Variants in RNF122 observed in about 807,000 individuals in gnomAD.
The protein encoded by RNF122 is ring finger protein 122.
Under a neutral mutation model 24.2 loss-of-function variants are expected in RNF122, and 17 were observed. That is an observed-to-expected ratio of 0.70 (90% confidence interval 0.48 to 1.06). The LOEUF (loss-of-function observed/expected upper bound fraction) is 1.06. Ranked by LOEUF, RNF122 falls within the 50% of genes least tolerant of loss-of-function variation. The pLI is 0.00. For missense variants in RNF122, 168 were observed against 198.1 expected (o/e 0.85, Z 0.91); for synonymous variants, 65 against 71.8 (o/e 0.91, Z 0.48).
chr8:33,566,602 C>T (rs913045715), intron 1 of RNF122, 97 bp downstream of exon 1: 4 of 1,290,568 alleles, frequency 3.1e-6, no homozygotes, highest in Non-Finnish European at 4.4e-6. Flanking sequence ...AAACTTGGTT[C>T]CCGAGGGAGG....
Position 33,558,663 on chromosome 8 carries a change from C to G in RNF122, c.134G>C (p.Gly45Ala), listed in dbSNP as rs774256289. The G allele has an allele frequency of 3.5e-5, 57 of 1,611,728 alleles. No homozygotes were observed. Among genetic ancestry groups the G allele is most frequent in the Non-Finnish European group, 4.8e-5 (56 of 1,178,510 alleles). The change falls in exon 2 of 6, where the codon GGC becomes GCC. Residue 45 changes from glycine to alanine, a missense_variant. Coordinates refer to ENST00000256257, the MANE Select transcript of RNF122 (RefSeq NM_024787.3). ...AAGGCTGAGCATGAAGACAAAGATG[C>G]CTGTGCCGAAGATGACCATATAGAT... ...LNIYMVIFGT[G>A]IFVFMLSLIF...
intron 4 of RNF122, 114 bp downstream of exon 4, chr8:33,550,930 T>C (rs1326392525): frequency 4.2e-6 from 4 of 941,420 alleles, no homozygotes; most frequent in Non-Finnish European, 6.9e-6. Flanking sequence ...CCAAAGGAGA[T>C]ATGAAGGCAT....
chr8:33,553,008 T>C (rs1028094657), intron 2 of RNF122, among the ~76,000 whole-genome samples: 4 of 150,800 alleles, frequency 2.7e-5, no homozygotes, highest in Non-Finnish European at 5.9e-5. Flanking sequence ...GAGACGAAGG[T>C]TGCAGTTAGC....
chr8:33,562,566 A>G (rs1252618554), intron 1 of RNF122, among the ~76,000 whole-genome samples: 1 of 151,850 alleles, frequency 6.6e-6, no homozygotes, highest in Admixed American at 6.6e-5. Flanking sequence ...AGAAAAAAAA[A>G]AGATTAGATG....
intron 3 of RNF122, 74 bp downstream of exon 3, chr8:33,551,270 G>T: frequency 6.3e-7 from 1 of 1,575,176 alleles, no homozygotes; most frequent in South Asian, 1.1e-5. Context: ...AGGAGAACCT[G>T]AGCCTGCCCT....
chr8:33,566,978 G>C lies in RNF122; in HGVS notation c.-255C>G, dbSNP rs1320732729. The C allele has an allele frequency of 2.2e-5, 11 of 511,558 alleles. No homozygotes were observed. The East Asian group carries it at 3.3e-4, about 15-fold the overall frequency. The allele number at this position is 511,558 out of a possible 1,614,324, so 31.7% of individuals were successfully genotyped here. On this transcript the variant is annotated 5_prime_UTR_variant, in exon 1 of 6. Transcript: ENST00000256257. ...AGCCGCACGGAGCGCACGCGCCAAG[G>C]GCCCCGGGCTGGGGGAATGTGGGGC...
chr8:33,566,598 G>T, intron 1 of RNF122, 101 bp downstream of exon 1: 1 of 1,229,334 alleles, frequency 8.1e-7, no homozygotes, highest in Non-Finnish European at 1.2e-6. Flanking sequence ...GGAGAAACTT[G>T]GTTCCCGAGG....
intron 2 of RNF122, among the ~76,000 whole-genome samples, chr8:33,558,246 C>A (rs1302805281): frequency 6.6e-6 from 1 of 152,102 alleles, no homozygotes; most frequent in East Asian, 1.9e-4. Flanking sequence ...ATAACTGATG[C>A]CCACCTGTTC....
At chr8:33,549,579 A>C in intron 4 of RNF122, 87 bp from the exon 5 acceptor site, 1 of 978,888 alleles carries the variant, frequency 1.0e-6, no homozygotes, top group South Asian at 1.3e-5. Flanking sequence ...GCTCTAGCCT[A>C]GTCTGTTCTA....
At chr8:33,555,218 T>C (rs987811389) in intron 2 of RNF122, among the ~76,000 whole-genome samples, 11 of 152,072 alleles carry the variant, frequency 7.2e-5, no homozygotes, top group African/African-American at 2.7e-4. Context: ...TTGTTTGTTT[T>C]TGAGAGGGAG....
intron 2 of RNF122, among the ~76,000 whole-genome samples, chr8:33,556,124 G>T (rs1257309839): frequency 6.8e-6 from 1 of 146,130 alleles, no homozygotes; most frequent in Non-Finnish European, 1.5e-5. Flanking sequence ...AGGTTGCAGT[G>T]GGCCGAGATC....
chr8:33,566,663 C>T (rs752843615), intron 1 of RNF122, 36 bp downstream of exon 1: 14 of 1,588,010 alleles, frequency 8.8e-6, no homozygotes, highest in Non-Finnish European at 8.6e-6. Flanking sequence ...CTCCCACCAG[C>T]CCCACGTAGG....
At chr8:33,555,086 G>T (rs11986873) in intron 2 of RNF122, among the ~76,000 whole-genome samples, 2,558 of 152,324 alleles carry the variant, frequency 0.017, 58 homozygotes, top group African/African-American at 0.054. Context: ...ACAGACCAGG[G>T]CAGGGTGACG....
At position 33,566,772 on chromosome 8, in the gene RNF122, G is replaced by C; in HGVS notation, c.-49C>G. The C allele has an allele frequency of 6.3e-7, 1 of 1,584,460 alleles. No individual in the cohort carries two copies. The highest frequency in any genetic ancestry group is 2.3e-5 in the East Asian group (1 of 43,696). ...TCGGGCGAACGGACGCAGGCGGGGT[G>C]CCAGGAGGGCGGGGTGGGAGCACTA... On this transcript the variant is annotated 5_prime_UTR_variant, in exon 1 of 6. Coordinates refer to ENST00000256257, the MANE Select transcript of RNF122 (RefSeq NM_024787.3).
intron 2 of RNF122, among the ~76,000 whole-genome samples, chr8:33,552,806 C>T (rs1188969997): frequency 6.6e-6 from 1 of 152,056 alleles, no homozygotes; most frequent in Non-Finnish European, 1.5e-5. Context: ...TGCCTGTAAT[C>T]CCAGCATTTT....
At chr8:33,552,553 TC>T (rs1387313957) in intron 2 of RNF122, among the ~76,000 whole-genome samples, 2 of 152,202 alleles carry the variant, frequency 1.3e-5, no homozygotes, top group Non-Finnish European at 2.9e-5. Context: ...TATAATGTGG[TC>T]TGTTCCCCTA....
intron 1 of RNF122, among the ~76,000 whole-genome samples, chr8:33,560,767 T>C (rs1810529469): frequency 6.6e-6 from 1 of 151,848 alleles, no homozygotes; most frequent in African/African-American, 2.4e-5. Flanking sequence ...TGAAACTCCA[T>C]CTCTATTAAA....
In RNF122 at chr8:33,553,691, G is replaced by A. The variant is rs541077667; in HGVS notation, c.183-2302C>T. 2.8e-4 allele frequency among the ~76,000 whole-genome samples: 43 copies of A among 152,352 alleles called. No homozygotes were observed. The South Asian group carries it at 8.7e-3, about 31-fold the overall frequency. On this transcript the variant is annotated intron_variant, in intron 2 of 5. Transcript: ENST00000256257. ...AAACAGCCCCAGTGGAAGGGGGTGG[G>A]GTGAGAAGCTGAAGCTGCTCCCTGG...
At chr8:33,556,122 G>A (rs777075517) in intron 2 of RNF122, among the ~76,000 whole-genome samples, 2 of 145,670 alleles carry the variant, frequency 1.4e-5, no homozygotes, top group Non-Finnish European at 3.0e-5. Flanking sequence ...GGAGGTTGCA[G>A]TGGGCCGAGA....
Sources: gnomAD v4.1 joint callset for allele counts (sites outside exome capture counted in the v4.1 genomes callset) on GRCh38, gnomAD v4.1.1 for gene constraint, MANE v1.5 for transcripts, NCBI Gene and HGNC (gene_info 2026-07-23, HGNC 2026-07-21) for gene names.